The following KCNMA1 variants were observed in gnomAD, a reference collection of about 807,000 sequenced individuals.
KCNMA1 encodes Calcium-activated potassium channel subunit alpha-1.
KCNMA1 carries 29 observed loss-of-function variants against 140.0 expected under a neutral mutation model. That is an observed-to-expected ratio of 0.21 (90% confidence interval 0.15 to 0.28). The LOEUF is 0.28. Ranked by LOEUF, KCNMA1 falls within the 10% of genes least tolerant of loss-of-function variation. The pLI is 1.00. For missense variants in KCNMA1, 880 were observed against 1,602.2 expected (o/e 0.55, Z 7.70); for synonymous variants, 612 against 611.9 (o/e 1.00, Z 0.00).
At chr10:77,515,672 T>C (rs2050135383) in intron 1 of KCNMA1, among the ~76,000 whole-genome samples, 1 of 152,296 alleles carries the variant, frequency 6.6e-6, no homozygotes, top group Non-Finnish European at 1.5e-5. Flanking sequence ...TGGTGCCATT[T>C]CCCAAATATT....
Position 77,117,346 on chromosome 10 carries a change from C to G in KCNMA1, c.884+3627G>C, listed in dbSNP as rs936956043. ...GGCAGATCACCTGAGGTCAAAAGTT[C>G]GAGACCAGCGTGGCCAACACGGTGA... On this transcript the variant is annotated intron_variant, in intron 6 of 27. Coordinates refer to ENST00000286628, the MANE Select transcript of KCNMA1 (RefSeq NM_001161352.2). Among the ~76,000 whole-genome samples the G allele has an allele frequency of 5.9e-5, 9 of 151,628 alleles. No individual in the cohort carries two copies. In the East Asian group the frequency reaches 1.7e-3, roughly 29 times the overall value.
intron 1 of KCNMA1, among the ~76,000 whole-genome samples, chr10:77,501,906 G>A (rs977153791): frequency 6.6e-6 from 1 of 152,194 alleles, no homozygotes; most frequent in Non-Finnish European, 1.5e-5. Context: ...TCATAAAGAT[G>A]CAGTTCAAAT....
chr10:77,257,731 T>C (rs1033031484), intron 2 of KCNMA1, among the ~76,000 whole-genome samples: 1 of 152,126 alleles, frequency 6.6e-6, no homozygotes, highest in Non-Finnish European at 1.5e-5. Flanking sequence ...ATGCTGTTCC[T>C]GTGATAGTGA....
rs888816679 is a variant in KCNMA1 at position 76,886,552 on chromosome 10, T to C, written c.*714A>G. 2 of 985,708 alleles carry C rather than the reference T, an allele frequency of 2.0e-6. No homozygotes were observed. The highest frequency in any genetic ancestry group is 2.4e-6 in the Non-Finnish European group (2 of 830,250). 61.1% of individuals were successfully genotyped at this position (985,708 alleles called of 1,614,324 possible). A position where few individuals can be genotyped will look rare whatever the true frequency, so the allele number is the denominator to read the frequency against. On this transcript the variant is annotated 3_prime_UTR_variant, in exon 28 of 28. Coordinates refer to ENST00000286628, the MANE Select transcript of KCNMA1 (RefSeq NM_001161352.2). ...GAATTTGATACATCCATGATTGGAA[T>C]ACTATTCTCTCCTCCATATTAAGGT...
At chr10:77,452,854 G>C (rs969388857) in intron 1 of KCNMA1, among the ~76,000 whole-genome samples, 1 of 152,160 alleles carries the variant, frequency 6.6e-6, no homozygotes, top group Non-Finnish European at 1.5e-5. Context: ...TCAAGTTCCA[G>C]CTCTTGGATC....
intron 22 of KCNMA1, among the ~76,000 whole-genome samples, chr10:76,945,941 A>G (rs2063823575): frequency 6.6e-6 from 1 of 152,184 alleles, no homozygotes; most frequent in Admixed American, 6.5e-5. Context: ...CGTGGGGGTG[A>G]GGGGAAAGTT....
At position 77,217,227 on chromosome 10, in the gene KCNMA1, C is replaced by T. The variant is rs376136045; in HGVS notation, c.603-32311G>A. Among the ~76,000 whole-genome samples the T allele has an allele frequency of 7.9e-5, 12 of 151,892 alleles. No homozygotes were observed. In the East Asian group the frequency reaches 2.3e-3, roughly 29 times the overall value. Reference sequence around the variant, plus strand: ...GGCTGAGGCAGGAGAATCGCTTGAACCTAGAAGGTGGAGATTGCAGTGAGC... The same window carrying T: ...GGCTGAGGCAGGAGAATCGCTTGAATCTAGAAGGTGGAGATTGCAGTGAGC... On this transcript the variant is annotated intron_variant, in intron 3 of 27. Transcript: ENST00000286628.
At chr10:77,086,463 G>A in intron 11 of KCNMA1, 25 bp downstream of exon 11, 2 of 1,534,000 alleles carry the variant, frequency 1.3e-6, no homozygotes, top group Non-Finnish European at 9.0e-7. Context: ...TGGAATAAAA[G>A]CAGAAGTCAC....
chr10:77,001,412 C>G lies in KCNMA1; in HGVS notation c.2261G>C (p.Arg754Pro), dbSNP rs145788902. 6.4e-7 allele frequency: 1 copy of G among 1,551,546 alleles called. No homozygotes were observed. Among genetic ancestry groups the G allele is most frequent in the Admixed American group, 2.0e-5 (1 of 51,000 alleles). ...VSVNDCSTSF[R>P]AFEDEQPSTL... ...TGTGTTGAGGTTAAACTTACAGGCACGGAAACTGGTGGAGCAATCATTAAC... is the reference window on the plus strand; with the variant it reads ...TGTGTTGAGGTTAAACTTACAGGCAGGGAAACTGGTGGAGCAATCATTAAC... Residue 754 changes from arginine (R) to proline (P), a missense_variant, in exon 19 of 28, where the codon CGT becomes CCT. By Grantham distance (103) the Arg-to-Pro change is moderately radical (BLOSUM62 -2). Coordinates refer to ENST00000286628, the MANE Select transcript of KCNMA1 (RefSeq NM_001161352.2).
At chr10:77,356,434 T>C (rs1246016576) in intron 2 of KCNMA1, among the ~76,000 whole-genome samples, 5 of 152,206 alleles carry the variant, frequency 3.3e-5, no homozygotes, top group African/African-American at 1.2e-4. Flanking sequence ...TAGAAATAAC[T>C]TCTTAACTCT....
chr10:77,344,993 A>G (rs533329463), intron 2 of KCNMA1, among the ~76,000 whole-genome samples: 1 of 152,272 alleles, frequency 6.6e-6, no homozygotes, highest in East Asian at 1.9e-4. Flanking sequence ...GATTATTCCC[A>G]TGTTACAAAT....
chr10:77,157,286 C>G (rs1022395139), intron 5 of KCNMA1, among the ~76,000 whole-genome samples: 1 of 151,974 alleles, frequency 6.6e-6, no homozygotes. Flanking sequence ...CTAAAAAATA[C>G]AAAAAATTAG....
rs2036560681 is a variant in KCNMA1, at chr10:76,885,646, G to A, written c.*1620C>T. ...CCTATTCTATTCGATGGAATTCTTT[G>A]AAGTAAAACTTTTCAAATATGTATA... On this transcript the variant is annotated 3_prime_UTR_variant, in exon 28 of 28. Coordinates refer to ENST00000286628, the MANE Select transcript of KCNMA1 (RefSeq NM_001161352.2). The A allele has an allele frequency of 1.0e-6, 1 of 985,094 alleles. No homozygotes were observed. 61.0% of individuals were successfully genotyped at this position (985,094 alleles called of 1,614,324 possible).
intron 5 of KCNMA1, among the ~76,000 whole-genome samples, chr10:77,137,329 G>T (rs371481478): frequency 6.6e-6 from 1 of 152,126 alleles, no homozygotes; most frequent in Non-Finnish European, 1.5e-5. Context: ...AAGCTGAAAG[G>T]TTCCAATAAA....
chr10:76,912,342 T>C (rs1182871189), intron 24 of KCNMA1: 1 of 152,256 alleles, frequency 6.6e-6, no homozygotes, highest in East Asian at 1.9e-4. Context: ...AAGTGGAATG[T>C]GCTACACAGC....
At chr10:76,879,952 G>A (rs1195971922), downstream of KCNMA1, among the ~76,000 whole-genome samples, 1 of 152,162 alleles carries the variant, frequency 6.6e-6, no homozygotes, top group African/African-American at 2.4e-5. Flanking sequence ...GAGAGGTTGA[G>A]CCTGGTGTTT....
At chr10:77,340,741 T>C (rs895838181) in intron 2 of KCNMA1, among the ~76,000 whole-genome samples, 1 of 151,928 alleles carries the variant, frequency 6.6e-6, no homozygotes, top group African/African-American at 2.4e-5. Context: ...AGGGATAGCA[T>C]TAGGAGATAT....
At chr10:77,518,333 C>G (rs1176255647) in intron 1 of KCNMA1, among the ~76,000 whole-genome samples, 4 of 152,162 alleles carry the variant, frequency 2.6e-5, no homozygotes, top group African/African-American at 9.7e-5. Context: ...TCTTGCTGAC[C>G]ACTATATCTT....
chr10:76,970,157 C>G, intron 19 of KCNMA1, 90 bp from the exon 20 acceptor site: 2 of 970,714 alleles, frequency 2.1e-6, no homozygotes, highest in East Asian at 2.4e-5. Flanking sequence ...ACACTCAAGG[C>G]TCAGTCACTC....
Sources: gnomAD v4.1 joint callset for allele counts (sites outside exome capture counted in the v4.1 genomes callset) on GRCh38, gnomAD v4.1.1 for gene constraint, MANE v1.5 for transcripts, NCBI Gene and HGNC (gene_info 2026-07-23, HGNC 2026-07-21) for gene names.